CAPZA2: variants seen among roughly 807,000 people sequenced by gnomAD.
CAPZA2 encodes the protein F-actin-capping protein subunit alpha-2.
Under a neutral mutation model 44.0 loss-of-function variants are expected in CAPZA2, and 13 were observed. The ratio of observed to expected loss-of-function variants is 0.30; its 90% CI spans 0.19 to 0.47. The LOEUF is 0.47. CAPZA2 is among the 20% of genes least tolerant of loss of function. The probability of loss-of-function intolerance (pLI) is 1.00; values close to 1 mark genes in which losing one functional copy is unlikely to be tolerated. For missense variants in CAPZA2, 244 were observed against 338.6 expected (o/e 0.72, Z 2.19); for synonymous variants, 94 against 108.2 (o/e 0.87, Z 0.81).
At position 116,917,833 on chromosome 7, in the gene CAPZA2, G is replaced by A; in HGVS notation, c.827G>A (p.Ser276Asn). The A allele has an allele frequency of 6.2e-7, 1 of 1,613,328 alleles. No individual in the cohort carries two copies. Among genetic ancestry groups the A allele is most frequent in the Non-Finnish European group, 8.5e-7 (1 of 1,179,268 alleles). ...RTKIDWNKILSYKIGKEMQNA is the reference protein window; with the variant it reads ...RTKIDWNKILNYKIGKEMQNA ...AAGATTGATTGGAACAAGATCCTTA[G>A]CTACAAGATTGGCAAAGAGATGCAG... The change falls in exon 10 of 10, where the codon AGC becomes AAC. Residue 276 changes from serine (S) to asparagine (N), a missense_variant. Ser to Asn is a conservative substitution (Grantham distance 46, BLOSUM62 1). Coordinates refer to ENST00000361183, the MANE Select transcript of CAPZA2 (RefSeq NM_006136.3).
chr7:116,865,709 C>CT (rs1449879152), intron 1 of CAPZA2, among the ~76,000 whole-genome samples: 2 of 152,116 alleles, frequency 1.3e-5, no homozygotes, highest in Non-Finnish European at 2.9e-5. Flanking sequence ...CCCCAAGTAG[C>CT]TGGGAGTACA....
At chr7:116,893,424 C>T (rs1360577101) in intron 3 of CAPZA2, among the ~76,000 whole-genome samples, 4 of 152,172 alleles carry the variant, frequency 2.6e-5, no homozygotes, top group African/African-American at 4.8e-5. Context: ...CCACCACATC[C>T]GGCCTAAAAG....
chr7:116,885,249 G>A (rs925115683), intron 1 of CAPZA2, among the ~76,000 whole-genome samples: 3 of 146,654 alleles, frequency 2.0e-5, no homozygotes, highest in Admixed American at 6.8e-5. Flanking sequence ...CAGCTCACTA[G>A]TTTTTTTTTT....
chr7:116,909,273 A>T (rs985231745), intron 6 of CAPZA2, among the ~76,000 whole-genome samples: 2 of 152,174 alleles, frequency 1.3e-5, no homozygotes, highest in Admixed American at 1.3e-4. Flanking sequence ...ACTATTATAT[A>T]ATGTTCAAAA....
rs541967861 is a variant in CAPZA2 at position 116,910,798 on chromosome 7, G to T, written c.585+487G>T. ...AGGTGGGTGGATCACAAGGTCAGGA[G>T]ATCAAGACCATCCTGGCTAACACAG... is the stretch of plus-strand genomic sequence containing the variant. On this transcript the variant is annotated intron_variant, in intron 7 of 9. Coordinates refer to ENST00000361183, the MANE Select transcript of CAPZA2 (RefSeq NM_006136.3). 3.6e-4 allele frequency among the ~76,000 whole-genome samples: 55 copies of T among 152,170 alleles called. 1 individual carries two copies. The South Asian group carries it at 0.011, about 30-fold the overall frequency.
intron 2 of CAPZA2, among the ~76,000 whole-genome samples, chr7:116,889,652 G>A (rs554930590): frequency 6.6e-6 from 1 of 151,680 alleles, no homozygotes; most frequent in African/African-American, 2.4e-5. Flanking sequence ...GTTGTATAAA[G>A]TTAAAATTAC....
At chr7:116,916,632 A>G (rs1474326426) in intron 9 of CAPZA2, among the ~76,000 whole-genome samples, 1 of 152,218 alleles carries the variant, frequency 6.6e-6, no homozygotes, top group African/African-American at 2.4e-5. Context: ...CTCAAAAAAA[A>G]AAAAGACTAG....
At chr7:116,895,009 A>G (rs945815047) in intron 3 of CAPZA2, among the ~76,000 whole-genome samples, 2 of 152,110 alleles carry the variant, frequency 1.3e-5, no homozygotes, top group Non-Finnish European at 2.9e-5. Flanking sequence ...GTAAATGACC[A>G]CTTGCTCCTA....
At chr7:116,891,476 G>A (rs1796845442) in intron 2 of CAPZA2, among the ~76,000 whole-genome samples, 1 of 152,162 alleles carries the variant, frequency 6.6e-6, no homozygotes, top group Non-Finnish European at 1.5e-5. Context: ...AATTAAAATA[G>A]TATTATTTCA....
intron 1 of CAPZA2, among the ~76,000 whole-genome samples, chr7:116,865,772 A>G (rs983083652): frequency 5.3e-5 from 8 of 152,088 alleles, no homozygotes; most frequent in African/African-American, 1.7e-4. Flanking sequence ...TGTAGAGACA[A>G]GGTCTCACGA....
intron 5 of CAPZA2, 38 bp downstream of exon 5, chr7:116,904,421 G>A: frequency 8.2e-7 from 1 of 1,214,182 alleles, no homozygotes; most frequent in South Asian, 1.2e-5. Flanking sequence ...TGTGTTTTGT[G>A]TAAATGTGAG....
chr7:116,890,573 T>A (rs1482599576), intron 2 of CAPZA2, among the ~76,000 whole-genome samples: 5,710 of 19,620 alleles, frequency 0.29, 854 homozygotes, highest in East Asian at 0.47. Context: ...TATATACACA[T>A]ATATATATAT....
chr7:116,863,037 T>A (rs1195602536), intron 1 of CAPZA2, among the ~76,000 whole-genome samples: 1 of 151,958 alleles, frequency 6.6e-6, no homozygotes, highest in Non-Finnish European at 1.5e-5. Flanking sequence ...GGGGTTTGCG[T>A]CCGTGCGTGG....
chr7:116,900,071 C>T (rs936553348), intron 4 of CAPZA2, among the ~76,000 whole-genome samples: 1 of 151,172 alleles, frequency 6.6e-6, no homozygotes, highest in African/African-American at 2.4e-5. Context: ...TATCAATAGA[C>T]AGTAAAAAGA....
chr7:116,864,048 C>T (rs2115857671), intron 1 of CAPZA2, among the ~76,000 whole-genome samples: 1 of 152,228 alleles, frequency 6.6e-6, no homozygotes, highest in African/African-American at 2.4e-5. Flanking sequence ...GTAGGCAGAT[C>T]CCCGTATCCA....
chr7:116,890,526 ATATATATATATATATATATAT>A (rs1796821953), intron 2 of CAPZA2, among the ~76,000 whole-genome samples: 3 of 28,830 alleles, frequency 1.0e-4, no homozygotes, highest in African/African-American at 2.3e-4. Context: ...AAAAAAAAAA[ATATATATATATATATATATAT>A]ATATATATAT....
In CAPZA2 at chr7:116,862,654, A is replaced by G; in HGVS notation, c.39+4A>G. 6.5e-7 allele frequency: 1 copy of G among 1,539,260 alleles called. No individual in the cohort carries two copies. Among genetic ancestry groups the G allele is most frequent in the Non-Finnish European group, 8.8e-7 (1 of 1,141,720 alleles). On this transcript the variant is annotated splice_donor_region_variant and intron_variant, in intron 1 of 9. Transcript: ENST00000361183. The stretch of plus-strand genomic sequence containing the variant: ...GCAGTTGTCTGATGAAGAGAAGGTA[A>G]GAGTCGCGGGGGCGACGGCGCGGGC...
intron 9 of CAPZA2, among the ~76,000 whole-genome samples, chr7:116,916,439 A>G (rs1031021853): frequency 2.0e-5 from 3 of 152,240 alleles, no homozygotes; most frequent in Non-Finnish European, 2.9e-5. Flanking sequence ...CCTGGCCAAC[A>G]TGGTGAAACC....
At chr7:116,910,760 C>T (rs1056790995) in intron 7 of CAPZA2, among the ~76,000 whole-genome samples, 2 of 152,076 alleles carry the variant, frequency 1.3e-5, no homozygotes, top group Non-Finnish European at 2.9e-5. Flanking sequence ...TATCCCAACA[C>T]TTTGGGAGGC....
Sources: gnomAD v4.1 joint callset for allele counts (sites outside exome capture counted in the v4.1 genomes callset) on GRCh38, gnomAD v4.1.1 for gene constraint, MANE v1.5 for transcripts, NCBI Gene and HGNC (gene_info 2026-07-23, HGNC 2026-07-21) for gene names.